DAOA: variants seen among roughly 807,000 people sequenced by gnomAD.
DAOA encodes the protein D-amino acid oxidase activator.
Under a neutral mutation model 16.4 loss-of-function variants are expected in DAOA, and 15 were observed. The observed-to-expected ratio is 0.91, with a 90% CI of 0.61 to 1.41. The LOEUF is 1.41. Among genes scored for constraint, DAOA ranks in the 40% most tolerant of loss-of-function variants. DAOA has a pLI of 0.00. For missense variants in DAOA, 230 were observed against 176.8 expected, an observed-to-expected ratio of 1.30 and a Z score of -1.71; for synonymous variants, 75 against 59.1, an observed-to-expected ratio of 1.27 and a Z score of -1.23.
chr13:105,479,019 G>A (rs1481184187), intron 4 of DAOA, among the ~76,000 whole-genome samples: 1 of 152,050 alleles, frequency 6.6e-6, no homozygotes, highest in Non-Finnish European at 1.5e-5. Context: ...TATTCACTGG[G>A]CACTAACATA....
intron 4 of DAOA, chr13:105,475,129 T>C (rs1438789510): frequency 1.3e-6 from 1 of 791,858 alleles, no homozygotes; most frequent in Non-Finnish European, 1.5e-6. Context: ...GAAGTCAGCC[T>C]TAGAAACCAG....
In DAOA at chr13:105,467,129, C is replaced by G; in HGVS notation, c.121C>G (p.Leu41Val). 1 of 1,609,018 alleles carries G rather than the reference C, an allele frequency of 6.2e-7. No homozygotes were observed. The highest frequency in any genetic ancestry group is 8.5e-7 in the Non-Finnish European group (1 of 1,176,792). The change falls in exon 3 of 6, where the codon CTA becomes GTA. Residue 41 changes from leucine to valine, a missense_variant. Transcript: ENST00000375936. The part of the protein sequence containing the change: ...SILLSKSENS[L>V]NSIAKETEEG... ...TCTTCTGAGCAAATCTGAAAACTCT[C>G]TAAACTCTATTGGTATGTTACTCTT...
At chr13:105,475,579 C>G (rs1237358615) in intron 4 of DAOA, among the ~76,000 whole-genome samples, 1 of 152,044 alleles carries the variant, frequency 6.6e-6, no homozygotes, top group African/African-American at 2.4e-5. Context: ...TACATTTGAG[C>G]AACAAAGTAA....
At chr13:105,478,123 A>G (rs143852528) in intron 4 of DAOA, among the ~76,000 whole-genome samples, 1 of 152,358 alleles carries the variant, frequency 6.6e-6, no homozygotes, top group African/African-American at 2.4e-5. Flanking sequence ...AAAGCAGCCT[A>G]TAAGAAATTT....
At chr13:105,484,806 C>G (rs974052869) in intron 4 of DAOA, among the ~76,000 whole-genome samples, 1 of 152,004 alleles carries the variant, frequency 6.6e-6, no homozygotes, top group East Asian at 1.9e-4. Context: ...TTATTGCTGC[C>G]TTACTACTAT....
chr13:105,478,914 C>A (rs1174398320), intron 4 of DAOA, among the ~76,000 whole-genome samples: 1 of 152,102 alleles, frequency 6.6e-6, no homozygotes, highest in African/African-American at 2.4e-5. Flanking sequence ...CCAAACTAAC[C>A]CACTCTTGTC....
rs184802874 is a variant in DAOA at position 105,484,032 on chromosome 13, T to C, written c.282-5869T>C. The stretch of plus-strand genomic sequence containing the variant: ...GTTAAAGATTTTACACCAACATCTA[T>C]AATTCAACTTGAGTTAAATTTTAAA... On this transcript the variant is annotated intron_variant, in intron 4 of 5. Transcript: ENST00000375936. Among the ~76,000 whole-genome samples, 49 of 152,262 alleles carry C rather than the reference T, an allele frequency of 3.2e-4. No homozygotes were observed. In the East Asian group the frequency reaches 9.1e-3, roughly 28 times the overall value.
chr13:105,490,034 G>T lies in DAOA; in HGVS notation c.415G>T (p.Asp139Tyr). ...MWTCNYNQQK[D>Y]QSCNHKEITS... is the part of the protein sequence containing the mutation. ...GACCTGCAACTACAACCAGCAAAAA[G>T]ACCAGTCATGCAACCACAAGGAAAT... The change falls in exon 5 of 6, where the codon GAC (aspartate) becomes TAC (tyrosine). Residue 139 changes from aspartate to tyrosine, a missense_variant. Coordinates refer to ENST00000375936, the MANE Select transcript of DAOA (RefSeq NM_172370.5). 6.2e-7 allele frequency: 1 copy of T among 1,603,182 alleles called. No individual in the cohort carries two copies. Among genetic ancestry groups the T allele is most frequent in the South Asian group, 1.1e-5 (1 of 89,786 alleles).
chr13:105,480,533 T>C (rs1286074409), intron 4 of DAOA, among the ~76,000 whole-genome samples: 1 of 123,114 alleles, frequency 8.1e-6, no homozygotes, highest in African/African-American at 3.5e-5. Context: ...GATACATAGA[T>C]AGATAGATAG....
In DAOA at chr13:105,467,164, A is replaced by G. The variant is rs373682113; in HGVS notation, c.133+23A>G. The G allele has an allele frequency of 8.2e-5, 129 of 1,564,582 alleles. No homozygotes were observed. In the African/African-American group the frequency reaches 1.6e-3, roughly 20 times the overall value. The stretch of plus-strand genomic sequence containing the variant: ...TTGGTATGTTACTCTTTATCTTTAT[A>G]TGAATTTAAATTCTTCTAGAAGTTA... On this transcript the variant is annotated intron_variant, in intron 3 of 5. Transcript: ENST00000375936.
At chr13:105,477,219 T>TG (rs1188482582) in intron 4 of DAOA, 1 of 152,122 alleles carries the variant, frequency 6.6e-6, no homozygotes, top group African/African-American at 2.4e-5. Flanking sequence ...AGGTCAGTCT[T>TG]GGTGCTTGTT....
intron 4 of DAOA, among the ~76,000 whole-genome samples, chr13:105,483,741 T>C (rs1214929843): frequency 6.6e-6 from 1 of 152,116 alleles, no homozygotes; most frequent in African/African-American, 2.4e-5. Flanking sequence ...ATACAAATCT[T>C]ATATTAGATA....
At chr13:105,485,329 C>T (rs1317171173) in intron 4 of DAOA, among the ~76,000 whole-genome samples, 2 of 152,116 alleles carry the variant, frequency 1.3e-5, no homozygotes, top group African/African-American at 4.8e-5. Context: ...CTCAACCCAC[C>T]ACTTACTTGA....
At chr13:105,476,096 AT>A (rs1407190115) in intron 4 of DAOA, among the ~76,000 whole-genome samples, 4 of 152,142 alleles carry the variant, frequency 2.6e-5, no homozygotes, top group African/African-American at 9.6e-5. Flanking sequence ...TTAAAATTTT[AT>A]GTAAATAATT....
At chr13:105,467,354 C>A (rs16966682) in intron 3 of DAOA, among the ~76,000 whole-genome samples, 2,626 of 152,232 alleles carry the variant, frequency 0.017, 83 homozygotes, top group African/African-American at 0.06. Context: ...AACAGTGCAA[C>A]CTTGTAAAAC....
At chr13:105,470,452 A>G (rs557098394) in intron 3 of DAOA, among the ~76,000 whole-genome samples, 1 of 152,116 alleles carries the variant, frequency 6.6e-6, no homozygotes, top group Non-Finnish European at 1.5e-5. Flanking sequence ...CAAAATGCCA[A>G]ACAACACACT....
chr13:105,475,581 A>G (rs958576569), intron 4 of DAOA, among the ~76,000 whole-genome samples: 5 of 152,190 alleles, frequency 3.3e-5, no homozygotes, highest in Non-Finnish European at 5.9e-5. Flanking sequence ...CATTTGAGCA[A>G]CAAAGTAAGT....
chr13:105,466,654 C>T lies in DAOA; in HGVS notation c.44+322C>T, dbSNP rs549949252. ...ATTGTTATAAACCACCTCCCCCTCACTCCATCTGCCTGTGCTAATTGTTTG... is the reference window on the plus strand; with the variant it reads ...ATTGTTATAAACCACCTCCCCCTCATTCCATCTGCCTGTGCTAATTGTTTG... On this transcript the variant is annotated intron_variant, in intron 2 of 5. Transcript: ENST00000375936. Among the ~76,000 whole-genome samples the T allele has an allele frequency of 3.5e-4, 54 of 152,338 alleles. 2 individuals are homozygous for T. In the South Asian group the frequency reaches 0.01, roughly 29 times the overall value.
At chr13:105,483,262 C>G (rs1877876341) in intron 4 of DAOA, among the ~76,000 whole-genome samples, 1 of 152,088 alleles carries the variant, frequency 6.6e-6, no homozygotes, top group South Asian at 2.1e-4. Context: ...TGTTGATGGG[C>G]ATTAGAGTTG....
Sources: gnomAD v4.1 joint callset for allele counts (sites outside exome capture counted in the v4.1 genomes callset) on GRCh38, gnomAD v4.1.1 for gene constraint, MANE v1.5 for transcripts, NCBI Gene and HGNC (gene_info 2026-07-23, HGNC 2026-07-21) for gene names.